The following SLC25A42 variants were observed in gnomAD, a reference collection of about 807,000 sequenced individuals.
SLC25A42 encodes solute carrier family 25 member 42.
SLC25A42 carries 19 observed loss-of-function variants against 34.7 expected under a neutral mutation model. The observed-to-expected ratio is 0.55, with a 90% CI of 0.38 to 0.80. The LOEUF (loss-of-function observed/expected upper bound fraction) is 0.80. Ranked by LOEUF, SLC25A42 falls within the 30% of genes least tolerant of loss-of-function variation. The probability of loss-of-function intolerance (pLI) is 0.00; values close to 1 mark genes in which losing one functional copy is unlikely to be tolerated. For synonymous variants in SLC25A42, 205 were observed against 191.2 expected (o/e 1.07, Z -0.59); for missense variants, 364 against 441.3 (o/e 0.82, Z 1.57).
chr19:19,105,454 G>C, intron 4 of SLC25A42, 107 bp from the exon 5 acceptor site: 2 of 1,369,014 alleles, frequency 1.5e-6, no homozygotes, highest in Non-Finnish European at 2.0e-6. Context: ...ATGGAGATGG[G>C]GTCACCCCGG....
intron 2 of SLC25A42, among the ~76,000 whole-genome samples, chr19:19,096,599 A>G (rs2059767034): frequency 6.6e-6 from 1 of 152,080 alleles, no homozygotes; most frequent in Non-Finnish European, 1.5e-5. Flanking sequence ...GGTATCAGAC[A>G]TGTCTTGGAG....
At chr19:19,079,425 A>G (rs2059670477) in intron 1 of SLC25A42, among the ~76,000 whole-genome samples, 1 of 152,030 alleles carries the variant, frequency 6.6e-6, no homozygotes, top group Non-Finnish European at 1.5e-5. Context: ...CCCATTCCAC[A>G]GCCCCCAGCC....
chr19:19,088,656 A>AT (rs755546650), intron 1 of SLC25A42, among the ~76,000 whole-genome samples: 6,284 of 140,758 alleles, frequency 0.045, 153 homozygotes, highest in Non-Finnish European at 0.056. Context: ...CACCCGACTA[A>AT]TTTTTTTTTT....
In SLC25A42 at chr19:19,105,693, C is replaced by T. The variant is rs755883383; in HGVS notation, c.346C>T (p.Arg116Cys). Residue 116 changes from arginine to cysteine, a missense_variant, in exon 5 of 8, where the codon CGC becomes TGC. By Grantham distance (180) the Arg-to-Cys change is radical. Coordinates refer to ENST00000318596, the MANE Select transcript of SLC25A42 (RefSeq NM_178526.5). ...GTTCAGCGCACACGAGGAGTACAAGCGCATCCTGGGCAGCTACTATGGCTT... is the reference window on the plus strand; with the variant it reads ...GTTCAGCGCACACGAGGAGTACAAGTGCATCCTGGGCAGCTACTATGGCTT... ...IQFSAHEEYKRILGSYYGFRG... is the reference protein window; with the variant it reads ...IQFSAHEEYKCILGSYYGFRG... 7 of 1,606,998 alleles carry T rather than the reference C, an allele frequency of 4.4e-6. No homozygotes were observed. Among genetic ancestry groups the T allele is most frequent in the African/African-American group, 4.0e-5 (3 of 74,750 alleles).
intron 7 of SLC25A42, 100 bp downstream of exon 7, chr19:19,108,145 G>T (rs1454271826): frequency 7.2e-7 from 1 of 1,382,460 alleles, no homozygotes; most frequent in East Asian, 2.5e-5. Flanking sequence ...CAGGCGGAGT[G>T]GGGTACGACC....
At chr19:19,106,474 C>A (rs1439022349) in intron 6 of SLC25A42, 89 bp downstream of exon 6, 7 of 1,117,726 alleles carry the variant, frequency 6.3e-6, no homozygotes, top group Admixed American at 2.3e-5. Flanking sequence ...CTATCGGGCC[C>A]CAGGGGTTTG....
intron 1 of SLC25A42, among the ~76,000 whole-genome samples, chr19:19,065,932 C>T (rs2059599785): frequency 1.3e-5 from 2 of 151,964 alleles, no homozygotes; most frequent in Non-Finnish European, 2.9e-5. Flanking sequence ...TCTCGGCTCA[C>T]GGCAACCTCT....
chr19:19,091,604 C>T (rs1224816494), intron 1 of SLC25A42, among the ~76,000 whole-genome samples: 1 of 152,002 alleles, frequency 6.6e-6, no homozygotes, highest in African/African-American at 2.4e-5. Flanking sequence ...TGGCCGGGTG[C>T]GGTGGCTCCC....
At chr19:19,096,501 C>A (rs1599681711) in intron 2 of SLC25A42, among the ~76,000 whole-genome samples, 1 of 152,230 alleles carries the variant, frequency 6.6e-6, no homozygotes, top group Non-Finnish European at 1.5e-5. Flanking sequence ...CCACCAAAAG[C>A]CCCACTTGTG....
chr19:19,109,791 AC>A lies in SLC25A42; in HGVS notation c.650-777del, dbSNP rs906861099. ...TATTACAAATGTTTAAAGTACCCCT[AC>A]TGACCTGTTGCTGCTCCTTCCTCCT... On this transcript the variant is annotated intron_variant, in intron 7 of 7. Transcript: ENST00000318596. This position sits in a 1 kb window ranked among gnomAD's most constrained non-coding sequence, Gnocchi z 4.1. 7.2e-5 allele frequency among the ~76,000 whole-genome samples: 11 copies of A among 152,092 alleles called. No individual in the cohort carries two copies. Among genetic ancestry groups the A allele is most frequent in the Non-Finnish European group, 1.5e-4 (10 of 68,018 alleles).
chr19:19,064,386 G>T (rs2059590152), intron 1 of SLC25A42, among the ~76,000 whole-genome samples: 2 of 150,586 alleles, frequency 1.3e-5, no homozygotes, highest in South Asian at 2.1e-4. Context: ...TGTCCCCGGC[G>T]CCCCGCACAG....
At chr19:19,096,065 C>A in intron 1 of SLC25A42, 26 bp from the exon 2 acceptor site, 2 of 1,468,342 alleles carry the variant, frequency 1.4e-6, no homozygotes, top group Non-Finnish European at 1.9e-6. Context: ...CTCGCCGTAT[C>A]TTACCACCTC....
intron 1 of SLC25A42, among the ~76,000 whole-genome samples, chr19:19,078,583 C>CGCAGCAAGCAT (rs1438919699): frequency 3.3e-4 from 50 of 152,268 alleles, no homozygotes; most frequent in South Asian, 6.2e-4. Flanking sequence ...CGAGCATGTA[C>CGCAGCAAGCAT]GCAGCAAGCA....
At chr19:19,067,167 A>G (rs1307607666) in intron 1 of SLC25A42, among the ~76,000 whole-genome samples, 1 of 152,158 alleles carries the variant, frequency 6.6e-6, no homozygotes, top group South Asian at 2.1e-4. Flanking sequence ...CTGATAGGTA[A>G]AAAACAGCAC....
intron 1 of SLC25A42, among the ~76,000 whole-genome samples, chr19:19,091,023 G>A (rs1293067528): frequency 6.6e-6 from 1 of 152,198 alleles, no homozygotes; most frequent in African/African-American, 2.4e-5. Flanking sequence ...GCATCTTTCT[G>A]CTGTGACAAA....
chr19:19,088,530 C>G (rs2059721022), intron 1 of SLC25A42, among the ~76,000 whole-genome samples: 1 of 151,554 alleles, frequency 6.6e-6, no homozygotes, highest in Non-Finnish European at 1.5e-5. Context: ...ACTCTGGTCA[C>G]CCAGGCTGAA....
intron 1 of SLC25A42, among the ~76,000 whole-genome samples, chr19:19,085,286 T>C (rs1234756938): frequency 2.6e-5 from 4 of 152,058 alleles, no homozygotes; most frequent in Non-Finnish European, 5.9e-5. Context: ...TGCCTCAGCT[T>C]CCCCAGCTGT....
chr19:19,068,523 C>T (rs575811301), intron 1 of SLC25A42, among the ~76,000 whole-genome samples: 2 of 151,972 alleles, frequency 1.3e-5, no homozygotes, highest in East Asian at 1.9e-4. Context: ...AAAAATTAGC[C>T]GGGCATGTTG....
intron 1 of SLC25A42, among the ~76,000 whole-genome samples, chr19:19,077,977 G>A (rs980774165): frequency 3.9e-5 from 6 of 152,192 alleles, no homozygotes; most frequent in East Asian, 1.9e-4. Context: ...TGTTGTTGTC[G>A]CGTGTAGCAG....
Sources: allele counts gnomAD v4.1 joint callset (sites outside exome capture counted in the v4.1 genomes callset), GRCh38; gene constraint gnomAD v4.1.1; non-coding constraint Gnocchi (gnomAD v3.1); transcripts MANE v1.5; gene names NCBI Gene and HGNC (gene_info 2026-07-23, HGNC 2026-07-21).